The following NTN1 variants were observed in gnomAD, a reference collection of about 807,000 sequenced individuals.
NTN1 encodes the protein netrin 1, also known as netrin-1.
In NTN1, 11 loss-of-function variants were observed where a neutral mutation model predicts 54.2. The ratio of observed to expected loss-of-function variants is 0.20; its 90% confidence interval spans 0.13 to 0.34. The LOEUF (loss-of-function observed/expected upper bound fraction) is 0.34, where lower values mean the gene tolerates loss of function less well. Ranked by LOEUF, NTN1 falls within the 10% of genes least tolerant of loss-of-function variation. The probability of loss-of-function intolerance (pLI) is 1.00; values close to 1 mark genes in which losing one functional copy is unlikely to be tolerated. For missense variants in NTN1, 740 were observed against 893.1 expected (o/e 0.83, Z 2.18); for synonymous variants, 371 against 382.0 (o/e 0.97, Z 0.33).
At chr17:9,058,637 C>CAAAAAAAAAAAAAAAAAAAAAAAA (rs3053457) in intron 2 of NTN1, among the ~76,000 whole-genome samples, 4 of 58,894 alleles carry the variant, frequency 6.8e-5, no homozygotes, top group African/African-American at 1.3e-4. Context: ...GGTAGGCACT[C>CAAAAAAAAAAAAAAAAAAAAAAAA]AAAAAAAAAA....
chr17:9,199,017 C>T (rs1322681043), intron 5 of NTN1, among the ~76,000 whole-genome samples: 3 of 152,212 alleles, frequency 2.0e-5, no homozygotes, highest in Non-Finnish European at 4.4e-5. Flanking sequence ...ACCACGGCTG[C>T]ACCCACTATT....
At chr17:9,005,557 TG>T in the NTN1 span, among the ~76,000 whole-genome samples, 1 of 152,100 alleles carries the variant, frequency 6.6e-6, no homozygotes, top group East Asian at 1.9e-4. Flanking sequence ...TTGATGCAGG[TG>T]GTATAAGGAC....
Position 9,212,878 on chromosome 17 carries a change from T to C in NTN1, c.1412-8290T>C, listed in dbSNP as rs1905141742. Among the ~76,000 whole-genome samples the C allele has an allele frequency of 6.6e-6, 1 of 152,140 alleles. No homozygotes were observed. Among genetic ancestry groups the C allele is most frequent in the Non-Finnish European group, 1.5e-5 (1 of 68,014 alleles). ...CTCCAAGGGGAGGTGCCAGATGCGG[T>C]GCCCCTGGCTTCAACCGTGGCCGCC... On this transcript the variant is annotated intron_variant, in intron 5 of 6. Transcript: ENST00000173229. This position sits in a 1 kb window ranked among gnomAD's most constrained non-coding sequence, Gnocchi z 5.5.
At chr17:9,131,116 C>T (rs770718956) in intron 2 of NTN1, among the ~76,000 whole-genome samples, 11 of 152,234 alleles carry the variant, frequency 7.2e-5, no homozygotes, top group Non-Finnish European at 1.5e-4. Flanking sequence ...TCCTGACAAG[C>T]ATGCTACTCC....
chr17:9,074,811 G>A (rs1231394302), intron 2 of NTN1, among the ~76,000 whole-genome samples: 1 of 152,226 alleles, frequency 6.6e-6, no homozygotes, highest in Non-Finnish European at 1.5e-5. Context: ...GGGCTGAGGA[G>A]CTGCCACTAT....
chr17:9,152,235 C>T (rs2092329935), intron 2 of NTN1, among the ~76,000 whole-genome samples: 1 of 152,186 alleles, frequency 6.6e-6, no homozygotes, highest in African/African-American at 2.4e-5. Context: ...ACCGGGAACC[C>T]ACTGGCAGGA....
the NTN1 span, among the ~76,000 whole-genome samples, chr17:9,004,818 G>C: frequency 6.6e-6 from 1 of 152,256 alleles, no homozygotes; most frequent in African/African-American, 2.4e-5. Context: ...AGAAGAGAAA[G>C]AGCTGTGGCT....
intron 3 of NTN1, among the ~76,000 whole-genome samples, chr17:9,170,071 C>T (rs1048717577): frequency 1.3e-5 from 2 of 152,074 alleles, no homozygotes; most frequent in East Asian, 1.9e-4. Flanking sequence ...GCAGGTGGCA[C>T]GGGGATAGTA....
At chr17:9,140,605 T>G (rs2092295021) in intron 2 of NTN1, among the ~76,000 whole-genome samples, 1 of 151,920 alleles carries the variant, frequency 6.6e-6, no homozygotes, top group African/African-American at 2.4e-5. Flanking sequence ...AGGCAGGGCT[T>G]CCCCCATCCC....
intron 6 of NTN1, among the ~76,000 whole-genome samples, chr17:9,231,028 G>A (rs896357676): frequency 6.6e-6 from 1 of 152,094 alleles, no homozygotes; most frequent in African/African-American, 2.4e-5. Context: ...GACACCAGGC[G>A]GGAAAGGCTA....
chr17:9,198,543 T>C (rs1904698506), intron 5 of NTN1, among the ~76,000 whole-genome samples: 1 of 152,162 alleles, frequency 6.6e-6, no homozygotes, highest in African/African-American at 2.4e-5. Flanking sequence ...TTTACTGGAA[T>C]CTGGGGACCA....
rs1001001852 is a variant in NTN1 at position 9,050,254 on chromosome 17, TA to T, written c.1018+26872del. ...AGAGTGAGACTCTGTCTCAAAAAAATAAAAAAAAATAAAAATAAAATAAAAA... is the reference window on the plus strand; with the variant it reads ...AGAGTGAGACTCTGTCTCAAAAAAATAAAAAAAATAAAAATAAAATAAAAA... On this transcript the variant is annotated intron_variant, in intron 2 of 6. Transcript: ENST00000173229. 6.2e-5 allele frequency among the ~76,000 whole-genome samples: 9 copies of T among 144,260 alleles called. No homozygotes were observed. In the East Asian group the frequency reaches 1.0e-3, roughly 17 times the overall value. The allele number at this position is 144,260 out of a possible 152,430, so 94.6% of individuals were successfully genotyped here. A position where few individuals can be genotyped will look rare whatever the true frequency, so the allele number is the denominator to read the frequency against.
At chr17:9,226,367 G>A (rs1013522932) in intron 6 of NTN1, among the ~76,000 whole-genome samples, 6 of 151,990 alleles carry the variant, frequency 3.9e-5, no homozygotes, top group African/African-American at 1.5e-4. Context: ...GACCCTGGCT[G>A]TGCCCCCCGC....
At chr17:9,114,166 A>AAAATATATATATATAT (rs1555569108) in intron 2 of NTN1, among the ~76,000 whole-genome samples, 1 of 74,658 alleles carries the variant, frequency 1.3e-5, no homozygotes, top group African/African-American at 5.8e-5. Flanking sequence ...AAAAAAAAAA[A>AAAATATATATATATAT]ATATATATAT....
At chr17:9,204,875 G>A (rs1322948179) in intron 5 of NTN1, among the ~76,000 whole-genome samples, 3 of 151,956 alleles carry the variant, frequency 2.0e-5, no homozygotes, top group East Asian at 1.9e-4. Flanking sequence ...TAGAGTAACC[G>A]GTGGTCTGTG....
intron 2 of NTN1, among the ~76,000 whole-genome samples, chr17:9,122,865 G>A (rs1296648669): frequency 2.6e-5 from 4 of 152,014 alleles, no homozygotes; most frequent in Non-Finnish European, 4.4e-5. Flanking sequence ...TTAAATAGTC[G>A]GCTTTGTAGT....
intron 2 of NTN1, among the ~76,000 whole-genome samples, chr17:9,144,489 G>A (rs191219659): frequency 6.6e-6 from 1 of 152,242 alleles, no homozygotes; most frequent in African/African-American, 2.4e-5. Context: ...CTCCTGCATC[G>A]GCTCTTGACT....
chr17:9,150,777 A>G (rs993009048), intron 2 of NTN1, among the ~76,000 whole-genome samples: 5 of 151,898 alleles, frequency 3.3e-5, no homozygotes, highest in African/African-American at 9.7e-5. Context: ...AAAGGCTAAG[A>G]TGTTTACAGA....
intron 2 of NTN1, among the ~76,000 whole-genome samples, chr17:9,116,071 T>TGACA (rs1455737167): frequency 6.6e-6 from 1 of 152,224 alleles, no homozygotes; most frequent in African/African-American, 2.4e-5. Context: ...CCTGTGGGTG[T>TGACA]CGTCATCTTG....
Sources: allele counts gnomAD v4.1 joint callset (sites outside exome capture counted in the v4.1 genomes callset), GRCh38; gene constraint gnomAD v4.1.1; non-coding constraint Gnocchi (gnomAD v3.1); transcripts MANE v1.5; gene names NCBI Gene and HGNC (gene_info 2026-07-23, HGNC 2026-07-21).